Variants in SLC26A7 observed in about 807,000 individuals in gnomAD.
SLC26A7 encodes the protein anion exchange transporter.
Under a neutral mutation model 82.5 loss-of-function variants are expected in SLC26A7, and 59 were observed. That is an observed-to-expected ratio of 0.72 (90% CI 0.58 to 0.89). SLC26A7 has a LOEUF of 0.89. SLC26A7 is among the 40% of genes least tolerant of loss of function. The pLI, the probability that SLC26A7 is intolerant of heterozygous loss-of-function variation, is 0.00. For synonymous variants in SLC26A7, 271 were observed against 274.3 expected, an observed-to-expected ratio of 0.99 and a Z score of 0.12; for missense variants, 820 against 793.0, an observed-to-expected ratio of 1.03 and a Z score of -0.41.
Position 91,394,108 on chromosome 8 carries a change from T to G in SLC26A7, c.1935+69T>G, listed in dbSNP as rs930741657. On this transcript the variant is annotated intron_variant, in intron 18 of 18. Coordinates refer to ENST00000276609, the MANE Select transcript of SLC26A7 (RefSeq NM_052832.4). Reference sequence around the variant, plus strand: ...GAATATAGAATCGAAGCTTTGCATCTTTTATATTAGCTTATTACTCCATTG... The same window carrying G: ...GAATATAGAATCGAAGCTTTGCATCGTTTATATTAGCTTATTACTCCATTG... 5.7e-6 allele frequency: 9 copies of G among 1,589,150 alleles called. No homozygotes were observed. In the African/African-American group the frequency reaches 1.2e-4, roughly 21 times the overall value.
intron 2 of SLC26A7, among the ~76,000 whole-genome samples, chr8:91,236,453 G>A (rs1333038965): frequency 6.6e-6 from 1 of 152,042 alleles, no homozygotes; most frequent in Non-Finnish European, 1.5e-5. Context: ...CCCTCATGTT[G>A]TCAAGTGTGC....
At chr8:91,368,644 C>A (rs903662865) in intron 14 of SLC26A7, among the ~76,000 whole-genome samples, 2 of 151,768 alleles carry the variant, frequency 1.3e-5, no homozygotes, top group African/African-American at 4.8e-5. Context: ...AGGATGGTCT[C>A]GATCTCCTGA....
chr8:91,269,813 A>G (rs1811219605), intron 2 of SLC26A7, among the ~76,000 whole-genome samples: 1 of 151,614 alleles, frequency 6.6e-6, no homozygotes, highest in Non-Finnish European at 1.5e-5. Context: ...GGGTGATTTC[A>G]TATGTTCTAT....
chr8:91,342,771 G>C (rs1813455695), intron 8 of SLC26A7, among the ~76,000 whole-genome samples: 1 of 152,166 alleles, frequency 6.6e-6, no homozygotes, highest in Non-Finnish European at 1.5e-5. Context: ...AAAAATTTTA[G>C]AGTTGTCAAT....
At chr8:91,345,054 A>G (rs1813524380) in intron 9 of SLC26A7, among the ~76,000 whole-genome samples, 1 of 149,844 alleles carries the variant, frequency 6.7e-6, no homozygotes, top group South Asian at 2.1e-4. Context: ...GTATCCTTTC[A>G]CCTCAGTATC....
chr8:91,350,677 G>A (rs965903025), intron 9 of SLC26A7, among the ~76,000 whole-genome samples: 10 of 151,876 alleles, frequency 6.6e-5, no homozygotes, highest in African/African-American at 2.2e-4. Context: ...TTTTTAAATT[G>A]CTGAGTTGTA....
intron 4 of SLC26A7, among the ~76,000 whole-genome samples, chr8:91,313,851 A>G (rs1289886970): frequency 6.6e-6 from 1 of 152,218 alleles, no homozygotes; most frequent in Non-Finnish European, 1.5e-5. Context: ...AACATAACCT[A>G]AAATACATTC....
At chr8:91,336,955 C>A (rs1408274875) in intron 6 of SLC26A7, among the ~76,000 whole-genome samples, 2 of 151,818 alleles carry the variant, frequency 1.3e-5, no homozygotes, top group African/African-American at 2.4e-5. Context: ...TATTAATTGG[C>A]GTAGGAATTT....
At chr8:91,296,215 T>A (rs1422126692) in intron 4 of SLC26A7, among the ~76,000 whole-genome samples, 1 of 152,226 alleles carries the variant, frequency 6.6e-6, no homozygotes, top group African/African-American at 2.4e-5. Context: ...ACCACCAGCA[T>A]CATGTTGCTG....
chr8:91,366,978 C>T (rs1037573576), intron 14 of SLC26A7, among the ~76,000 whole-genome samples: 10 of 151,858 alleles, frequency 6.6e-5, no homozygotes, highest in African/African-American at 1.9e-4. Context: ...ACAAATGATC[C>T]AATTTAATGG....
chr8:91,249,610 C>T lies in SLC26A7; in HGVS notation c.-42C>T, dbSNP rs1268282460. 2.8e-6 allele frequency: 4 copies of T among 1,435,512 alleles called. No individual in the cohort carries two copies. The highest frequency in any genetic ancestry group is 2.6e-5 in the Admixed American group (1 of 38,054). 88.9% of individuals were successfully genotyped at this position (1,435,512 alleles called of 1,614,324 possible). A position where few individuals can be genotyped will look rare whatever the true frequency, so the allele number is the denominator to read the frequency against. ...GAGGTGTTCTGCAATGATTTTTTTT[C>T]TTGTTTAGAGAAGTTTACTTCTACA... On this transcript the variant is annotated 5_prime_UTR_variant, in exon 2 of 19. Transcript: ENST00000276609.
chr8:91,247,773 A>G (rs1810566031), upstream of SLC26A7, among the ~76,000 whole-genome samples: 1 of 151,496 alleles, frequency 6.6e-6, no homozygotes, highest in Non-Finnish European at 1.5e-5. Flanking sequence ...TTTAAAAATG[A>G]TTGAAATTAC....
rs552420133 is a variant in SLC26A7 at position 91,214,278 on chromosome 8, G to A, written c.-149-4612G>A. On this transcript the variant is annotated intron_variant, in intron 1 of 5. Transcript: ENST00000522862. The stretch of plus-strand genomic sequence containing the variant: ...AGAAGGGAGCTGGTTTGGGAGGCAA[G>A]ACCCCAAGTTGTATCTTAGACATGT... Among the ~76,000 whole-genome samples the A allele has an allele frequency of 6.6e-5, 10 of 152,274 alleles. No homozygotes were observed. In the East Asian group the frequency reaches 1.9e-3, roughly 29 times the overall value.
At chr8:91,376,925 T>C (rs1814532856) in intron 15 of SLC26A7, among the ~76,000 whole-genome samples, 1 of 152,086 alleles carries the variant, frequency 6.6e-6, no homozygotes, top group Non-Finnish European at 1.5e-5. Flanking sequence ...ATATAGACTT[T>C]GTCCTTTGGC....
chr8:91,245,557 G>C (rs1177927487), upstream of SLC26A7, among the ~76,000 whole-genome samples: 1 of 152,014 alleles, frequency 6.6e-6, no homozygotes, highest in Non-Finnish European at 1.5e-5. Flanking sequence ...TAGAAATGCT[G>C]TAGATCAACT....
At chr8:91,376,741 T>G (rs991838722) in intron 15 of SLC26A7, among the ~76,000 whole-genome samples, 2 of 152,132 alleles carry the variant, frequency 1.3e-5, no homozygotes, top group African/African-American at 2.4e-5. Context: ...AGGAGGCTGA[T>G]GAGTGGAAGC....
intron 1 of SLC26A7, among the ~76,000 whole-genome samples, chr8:91,213,944 A>G (rs1266395051): frequency 1.3e-5 from 2 of 152,158 alleles, no homozygotes; most frequent in Non-Finnish European, 2.9e-5. Flanking sequence ...AGATTAAGTA[A>G]GGGGTTTGAA....
chr8:91,393,963 A>G lies in SLC26A7; in HGVS notation c.1859A>G (p.Tyr620Cys), dbSNP rs1413416946. 6.2e-7 allele frequency: 1 copy of G among 1,613,742 alleles called. No individual in the cohort carries two copies. The highest frequency in any genetic ancestry group is 2.2e-5 in the East Asian group (1 of 44,870). Residue 620 changes from tyrosine to cysteine, a missense_variant, in exon 18 of 19, where the codon TAT becomes TGT. Coordinates refer to ENST00000276609, the MANE Select transcript of SLC26A7 (RefSeq NM_052832.4). ...TCCTTGATAAAAGCAATGACGTATT[A>G]TGGAAACCTAGACTCAGAGAAACCA... ...TASLIKAMTY[Y>C]GNLDSEKPIF...
At chr8:91,390,848 G>T in intron 16 of SLC26A7, among the ~76,000 whole-genome samples, 1 of 152,124 alleles carries the variant, frequency 6.6e-6, no homozygotes. Context: ...CACCCCATTT[G>T]TCCACCTTTC....
Sources: gnomAD v4.1 joint callset for allele counts (sites outside exome capture counted in the v4.1 genomes callset) on GRCh38, gnomAD v4.1.1 for gene constraint, MANE v1.5 for transcripts, NCBI Gene and HGNC (gene_info 2026-07-23, HGNC 2026-07-21) for gene names.